FCHSD2: variants seen among roughly 807,000 people sequenced by gnomAD.
FCHSD2 encodes the protein F-BAR and double SH3 domains protein 2.
Under a neutral mutation model 108.1 loss-of-function variants are expected in FCHSD2, and 38 were observed. That is an observed-to-expected ratio of 0.35 (90% CI 0.27 to 0.46). The LOEUF is 0.46. Among genes scored for constraint, FCHSD2 ranks in the 20% least tolerant of loss-of-function variants. The probability of loss-of-function intolerance (pLI) is 1.00; values close to 1 mark genes in which losing one functional copy is unlikely to be tolerated. For missense variants in FCHSD2, 751 were observed against 897.8 expected (o/e 0.84, Z 2.09); for synonymous variants, 279 against 314.7 (o/e 0.89, Z 1.20).
intron 3 of FCHSD2, among the ~76,000 whole-genome samples, chr11:73,064,833 A>T (rs1246613417): frequency 6.6e-6 from 1 of 152,198 alleles, no homozygotes; most frequent in Non-Finnish European, 1.5e-5. Context: ...TGAATAAACC[A>T]ATAACAAGTT....
chr11:72,954,367 C>A (rs1348392561), intron 8 of FCHSD2, among the ~76,000 whole-genome samples: 2 of 151,712 alleles, frequency 1.3e-5, no homozygotes, highest in Non-Finnish European at 2.9e-5. Flanking sequence ...TGCCACCATG[C>A]CTGGCTAATT....
intron 14 of FCHSD2, among the ~76,000 whole-genome samples, chr11:72,843,935 G>A (rs575585093): frequency 9.2e-5 from 14 of 151,820 alleles, no homozygotes; most frequent in African/African-American, 2.9e-4. Context: ...TTGAGCCTGG[G>A]AGGTTGAGGC....
chr11:72,846,326 G>A (rs974385611), intron 14 of FCHSD2, among the ~76,000 whole-genome samples: 3 of 151,876 alleles, frequency 2.0e-5, no homozygotes, highest in African/African-American at 7.3e-5. Context: ...GATTACAGGT[G>A]CACACCACCA....
intron 12 of FCHSD2, among the ~76,000 whole-genome samples, chr11:72,876,847 T>C (rs1181705264): frequency 6.6e-6 from 1 of 152,202 alleles, no homozygotes; most frequent in Non-Finnish European, 1.5e-5. Flanking sequence ...TGTAGCATTA[T>C]TATTATATAT....
chr11:73,030,934 C>T (rs1177037141), intron 3 of FCHSD2, among the ~76,000 whole-genome samples: 1 of 151,956 alleles, frequency 6.6e-6, no homozygotes, highest in Non-Finnish European at 1.5e-5. Flanking sequence ...TCCTGAATTT[C>T]TGCTATTTTT....
chr11:73,107,589 C>T, intron 2 of FCHSD2, among the ~76,000 whole-genome samples: 1 of 152,200 alleles, frequency 6.6e-6, no homozygotes, highest in East Asian at 1.9e-4. Flanking sequence ...CCCACAAACA[C>T]ACACCCTCAC....
intron 3 of FCHSD2, among the ~76,000 whole-genome samples, chr11:73,022,616 T>C (rs1305270395): frequency 6.6e-6 from 1 of 152,170 alleles, no homozygotes; most frequent in Non-Finnish European, 1.5e-5. Context: ...TGGAGAGACA[T>C]TCCATGTTAA....
intron 10 of FCHSD2, among the ~76,000 whole-genome samples, chr11:72,896,055 A>G (rs1855411431): frequency 6.6e-6 from 1 of 152,142 alleles, no homozygotes; most frequent in Non-Finnish European, 1.5e-5. Context: ...TGCATAAATC[A>G]CTCCCCTTAT....
At chr11:73,037,650 T>C (rs773601061) in intron 3 of FCHSD2, among the ~76,000 whole-genome samples, 1 of 152,228 alleles carries the variant, frequency 6.6e-6, no homozygotes. Flanking sequence ...CCATACTGAT[T>C]ATGTTATGAA....
intron 3 of FCHSD2, among the ~76,000 whole-genome samples, chr11:73,043,967 G>A (rs1373451909): frequency 6.6e-6 from 1 of 152,100 alleles, no homozygotes; most frequent in Non-Finnish European, 1.5e-5. Context: ...ACCAATTTTG[G>A]CAACAAACTA....
At chr11:73,082,359 AAAAG>A (rs1273784610) in intron 3 of FCHSD2, among the ~76,000 whole-genome samples, 1 of 147,814 alleles carries the variant, frequency 6.8e-6, no homozygotes. Context: ...AAAAAAAAAA[AAAAG>A]AAAAGAAAAA....
intron 3 of FCHSD2, among the ~76,000 whole-genome samples, chr11:73,071,764 A>C (rs188244083): frequency 6.6e-6 from 1 of 152,194 alleles, no homozygotes; most frequent in Non-Finnish European, 1.5e-5. Context: ...GGACAGAGTG[A>C]AACACAGGTT....
chr11:72,929,861 C>T (rs936697488), intron 8 of FCHSD2, among the ~76,000 whole-genome samples: 1 of 152,170 alleles, frequency 6.6e-6, no homozygotes, highest in African/African-American at 2.4e-5. Context: ...TCCTTGAGAA[C>T]AGGCAGCACT....
intron 8 of FCHSD2, among the ~76,000 whole-genome samples, chr11:72,954,461 C>T (rs1167971361): frequency 6.6e-6 from 1 of 152,004 alleles, no homozygotes; most frequent in Non-Finnish European, 1.5e-5. Context: ...CCCCTTCAGC[C>T]TCCCAAAGTG....
At chr11:73,041,448 T>C (rs1418772113) in intron 3 of FCHSD2, among the ~76,000 whole-genome samples, 1 of 152,204 alleles carries the variant, frequency 6.6e-6, no homozygotes, top group African/African-American at 2.4e-5. Context: ...TGATATCTCA[T>C]TGTGGTTTTG....
At chr11:72,923,900 T>C (rs1243848841) in intron 8 of FCHSD2, among the ~76,000 whole-genome samples, 1 of 152,174 alleles carries the variant, frequency 6.6e-6, no homozygotes, top group Admixed American at 6.6e-5. Context: ...GTTTGTGCTA[T>C]TGAAATACAG....
At position 72,902,630 on chromosome 11, in the gene FCHSD2, C is replaced by T. The variant is rs61753291; in HGVS notation, c.837G>A (p.Arg279=). ...GCAAAAACAGCTGAAGATTGTAGTC[C>T]CGGACCACCTAAAGAGAAAATAAAA... ...FLLENSSKVV[R]DYNLQLFLQE... is the part of the protein sequence containing the mutation. Residue 279 remains arginine, a synonymous_variant, in exon 10 of 20, where the codon CGG becomes CGA. Transcript: ENST00000409418. 2,538 of 1,567,816 alleles carry T rather than the reference C, an allele frequency of 1.6e-3. 31 individuals carry two copies. In the African/African-American group the frequency reaches 0.031, roughly 19 times the overall value.
chr11:73,141,466 A>G lies in FCHSD2; in HGVS notation c.21+391T>C, dbSNP rs138634237. 1.5e-3 allele frequency: 338 copies of G among 227,680 alleles called. 1 individual carries two copies. The highest frequency in any genetic ancestry group is 7.2e-3 in the African/African-American group (314 of 43,838). The allele number at this position is 227,680 out of a possible 1,614,324, so 14.1% of individuals were successfully genotyped here. ...TGGCGACAAGCGGCTGGAGGGCTCA[A>G]AGCTGGTGCAGACTAAACAATCACA... On this transcript the variant is annotated intron_variant, in intron 1 of 19. Coordinates refer to ENST00000409418, the MANE Select transcript of FCHSD2 (RefSeq NM_014824.3).
At chr11:73,068,135 G>T (rs534176646) in intron 3 of FCHSD2, among the ~76,000 whole-genome samples, 13 of 152,070 alleles carry the variant, frequency 8.5e-5, no homozygotes, top group Non-Finnish European at 1.8e-4. Context: ...CAACACATGG[G>T]AATTATGGGA....
Sources: allele counts gnomAD v4.1 joint callset (sites outside exome capture counted in the v4.1 genomes callset), GRCh38; gene constraint gnomAD v4.1.1; transcripts MANE v1.5; gene names NCBI Gene and HGNC (gene_info 2026-07-23, HGNC 2026-07-21).